ZBBX: variants seen among roughly 807,000 people sequenced by gnomAD.
ZBBX encodes zinc finger B-box domain containing.
A neutral mutation model predicts 108.5 loss-of-function variants in ZBBX; 101 were observed. That is an observed-to-expected ratio of 0.93 (90% CI 0.79 to 1.10). ZBBX has a LOEUF of 1.10. Ranked by LOEUF, ZBBX falls within the 50% of genes least tolerant of loss-of-function variation. The pLI is 0.00. For synonymous variants in ZBBX, 356 were observed against 323.4 expected, an observed-to-expected ratio of 1.10 and a Z score of -1.08; for missense variants, 1,009 against 941.4, an observed-to-expected ratio of 1.07 and a Z score of -0.94.
chr3:167,316,958 T>C (rs748263012), intron 14 of ZBBX, 47 bp downstream of exon 14: 2 of 1,124,174 alleles, frequency 1.8e-6, no homozygotes, highest in Non-Finnish European at 2.6e-6. Context: ...ACATTATGAA[T>C]TCCCTGTTAA....
chr3:167,190,846 G>C, the ZBBX span, among the ~76,000 whole-genome samples: 12 of 152,146 alleles, frequency 7.9e-5, no homozygotes, highest in Non-Finnish European at 1.6e-4. Context: ...CAGACTTTGA[G>C]GTGAACTTAG....
intron 1 of ZBBX, among the ~76,000 whole-genome samples, chr3:167,385,686 T>A (rs985423375): frequency 6.6e-6 from 1 of 152,022 alleles, no homozygotes; most frequent in African/African-American, 2.4e-5. Context: ...ATTTTAAAAC[T>A]GTTTTTGTTA....
At chr3:167,261,423 T>C (rs1386062459) in intron 20 of ZBBX, among the ~76,000 whole-genome samples, 1 of 149,042 alleles carries the variant, frequency 6.7e-6, no homozygotes, top group Non-Finnish European at 1.5e-5. Flanking sequence ...CTTCCACTAC[T>C]AGGGTGGGTA....
intron 20 of ZBBX, among the ~76,000 whole-genome samples, chr3:167,257,821 T>C: frequency 6.6e-6 from 1 of 152,006 alleles, no homozygotes; most frequent in Admixed American, 6.6e-5. Flanking sequence ...TGTCTATTCA[T>C]GTCCTTAGCA....
Position 167,333,860 on chromosome 3 carries a change from G to C in ZBBX, c.654C>G (p.Pro218=). The C allele has an allele frequency of 6.2e-7, 1 of 1,610,966 alleles. No individual in the cohort carries two copies. The highest frequency in any genetic ancestry group is 2.2e-5 in the East Asian group (1 of 44,688). The change falls in exon 10 of 22, where the codon CCC becomes CCG. Residue 218 remains proline, a synonymous_variant. Coordinates refer to ENST00000675490, the MANE Select transcript of ZBBX (RefSeq NM_001199201.2). ...TGCTCCTCTGGAGAAGTACAGATTT[G>C]GGTTTATGTTGAATTTTACTGGTTT... ...TKETSKIQHK[P]KSVLLQRSSS... is the part of the protein sequence containing the mutation.
At chr3:167,402,589 C>G (rs147828687) in intron 1 of ZBBX, among the ~76,000 whole-genome samples, 1 of 151,924 alleles carries the variant, frequency 6.6e-6, no homozygotes, top group African/African-American at 2.4e-5. Flanking sequence ...ATAGGACTCA[C>G]GCGCAAGGGA....
intron 20 of ZBBX, among the ~76,000 whole-genome samples, chr3:167,243,556 A>C (rs1721048113): frequency 6.6e-6 from 1 of 151,852 alleles, no homozygotes; most frequent in South Asian, 2.1e-4. Flanking sequence ...GTGCCACCAC[A>C]CCCGGCTAAT....
At chr3:167,259,498 T>C (rs1401935422) in intron 20 of ZBBX, among the ~76,000 whole-genome samples, 1 of 152,186 alleles carries the variant, frequency 6.6e-6, no homozygotes, top group East Asian at 1.9e-4. Flanking sequence ...TCTTGGTTAT[T>C]TCCTTTCTTC....
At chr3:167,402,005 C>T (rs1410639037) in intron 1 of ZBBX, among the ~76,000 whole-genome samples, 1 of 152,070 alleles carries the variant, frequency 6.6e-6, no homozygotes, top group Non-Finnish European at 1.5e-5. Context: ...GGTCTGGATG[C>T]AGGACGAGCA....
chr3:167,295,780 T>C (rs1390508927), intron 18 of ZBBX, among the ~76,000 whole-genome samples: 1 of 132,528 alleles, frequency 7.5e-6, no homozygotes, highest in Non-Finnish European at 1.6e-5. Context: ...GTAAGGAGAT[T>C]AAATCTGTTA....
At chr3:167,369,238 A>G (rs540208154) in intron 4 of ZBBX, among the ~76,000 whole-genome samples, 2 of 152,340 alleles carry the variant, frequency 1.3e-5, no homozygotes, top group Admixed American at 6.5e-5. Context: ...TCTTTCATAG[A>G]TCTAACCCAA....
the ZBBX span, among the ~76,000 whole-genome samples, chr3:167,220,108 A>T: frequency 1.3e-5 from 2 of 151,978 alleles, no homozygotes; most frequent in Non-Finnish European, 2.9e-5. Context: ...TGTAATAAAA[A>T]GAAGAGCCCA....
the ZBBX span, among the ~76,000 whole-genome samples, chr3:167,226,079 G>A: frequency 3.5e-5 from 5 of 142,278 alleles, no homozygotes; most frequent in Non-Finnish European, 6.1e-5. Context: ...CAGTGACTGT[G>A]ATTAAAAAAA....
At chr3:167,192,530 C>T in the ZBBX span, among the ~76,000 whole-genome samples, 1 of 152,214 alleles carries the variant, frequency 6.6e-6, no homozygotes, top group South Asian at 2.1e-4. Flanking sequence ...TGCTTGTTTG[C>T]TCTTGTTGCT....
At chr3:167,377,142 A>G (rs995776587) in intron 2 of ZBBX, among the ~76,000 whole-genome samples, 2 of 152,156 alleles carry the variant, frequency 1.3e-5, no homozygotes, top group African/African-American at 4.8e-5. Context: ...CCTCACACAA[A>G]ATACCCAATA....
At chr3:167,297,101 T>G (rs1024401149) in intron 18 of ZBBX, among the ~76,000 whole-genome samples, 1 of 152,008 alleles carries the variant, frequency 6.6e-6, no homozygotes, top group Non-Finnish European at 1.5e-5. Context: ...TTATAATGAT[T>G]TTTTAAAAAG....
intron 8 of ZBBX, among the ~76,000 whole-genome samples, chr3:167,353,803 T>C (rs1237573974): frequency 6.6e-6 from 1 of 152,034 alleles, no homozygotes; most frequent in Non-Finnish European, 1.5e-5. Flanking sequence ...GAAGAATTTG[T>C]CCAGAGTCAT....
intron 2 of ZBBX, among the ~76,000 whole-genome samples, chr3:167,378,619 G>C (rs1360250489): frequency 6.6e-6 from 1 of 152,170 alleles, no homozygotes; most frequent in Non-Finnish European, 1.5e-5. Context: ...AAGACCTCCA[G>C]AGAGCTCACG....
intron 17 of ZBBX, among the ~76,000 whole-genome samples, chr3:167,303,809 A>G (rs1412104328): frequency 1.3e-5 from 2 of 152,154 alleles, no homozygotes; most frequent in Non-Finnish European, 2.9e-5. Flanking sequence ...TATTGCTTTT[A>G]AGATTGTCTA....
Sources: gnomAD v4.1 joint callset for allele counts (sites outside exome capture counted in the v4.1 genomes callset) on GRCh38, gnomAD v4.1.1 for gene constraint, MANE v1.5 for transcripts, NCBI Gene and HGNC (gene_info 2026-07-23, HGNC 2026-07-21) for gene names.